Variants in RUNDC3B observed in about 807,000 individuals in gnomAD.
The protein encoded by RUNDC3B is RUN domain-containing protein 3B.
RUNDC3B carries 33 observed loss-of-function variants against 58.4 expected under a neutral mutation model. The ratio of observed to expected loss-of-function variants is 0.56; its 90% confidence interval spans 0.43 to 0.75. The LOEUF (loss-of-function observed/expected upper bound fraction) is 0.75, where lower values mean the gene tolerates loss of function less well. RUNDC3B is among the 30% of genes least tolerant of loss of function. The pLI is 0.00. For missense variants in RUNDC3B, 501 were observed against 535.7 expected (o/e 0.94, Z 0.64); for synonymous variants, 193 against 195.2 (o/e 0.99, Z 0.10).
At chr7:87,748,310 T>C (rs1316649098) in intron 6 of RUNDC3B, among the ~76,000 whole-genome samples, 1 of 152,150 alleles carries the variant, frequency 6.6e-6, no homozygotes, top group East Asian at 1.9e-4. Flanking sequence ...ACTTCCGCAG[T>C]TGGGGCACCC....
At chr7:87,819,124 G>C (rs1584280052) in intron 10 of RUNDC3B, among the ~76,000 whole-genome samples, 1 of 152,138 alleles carries the variant, frequency 6.6e-6, no homozygotes, top group Non-Finnish European at 1.5e-5. Context: ...GCTCTCTGCT[G>C]AGTCCTGTAA....
At chr7:87,696,383 G>C (rs961973585) in intron 2 of RUNDC3B, among the ~76,000 whole-genome samples, 1 of 152,164 alleles carries the variant, frequency 6.6e-6, no homozygotes, top group Non-Finnish European at 1.5e-5. Flanking sequence ...GTTAAATACA[G>C]GTTATAGACT....
At chr7:87,819,238 C>A (rs1023930088) in intron 10 of RUNDC3B, among the ~76,000 whole-genome samples, 1 of 152,006 alleles carries the variant, frequency 6.6e-6, no homozygotes, top group Non-Finnish European at 1.5e-5. Flanking sequence ...TTGTGGGCTT[C>A]CTGAGTAAAA....
At chr7:87,761,081 A>G (rs944061904) in intron 6 of RUNDC3B, among the ~76,000 whole-genome samples, 9 of 151,982 alleles carry the variant, frequency 5.9e-5, no homozygotes, top group Admixed American at 2.6e-4. Context: ...CATACACAAA[A>G]TCAGGGTCTA....
Position 87,720,574 on chromosome 7 carries a change from G to A in RUNDC3B, c.458+9919G>A, listed in dbSNP as rs571284958. On this transcript the variant is annotated intron_variant, in intron 4 of 10. Transcript: ENST00000394654. ...TGTGTGTGTGTGTGTGTGTGTGTGT[G>A]TATGCAATAATTATAATTTTCTTTT... is the stretch of plus-strand genomic sequence containing the variant. 6.5e-5 allele frequency among the ~76,000 whole-genome samples: 8 copies of A among 123,064 alleles called. No individual in the cohort carries two copies. In the East Asian group the frequency reaches 2.1e-3, roughly 32 times the overall value. The allele number at this position is 123,064 out of a possible 152,430, so 80.7% of individuals were successfully genotyped here.
chr7:87,801,963 A>G (rs1836187134), intron 8 of RUNDC3B, among the ~76,000 whole-genome samples: 2 of 152,220 alleles, frequency 1.3e-5, no homozygotes, highest in Non-Finnish European at 2.9e-5. Flanking sequence ...TTTTTCAAAA[A>G]CAATGAGAAA....
chr7:87,813,766 T>G (rs1482996267), intron 9 of RUNDC3B, among the ~76,000 whole-genome samples: 1 of 151,840 alleles, frequency 6.6e-6, no homozygotes, highest in East Asian at 1.9e-4. Context: ...GATCGTGAGG[T>G]CAGGAGATTG....
At chr7:87,691,120 C>A (rs1827978479) in intron 2 of RUNDC3B, among the ~76,000 whole-genome samples, 1 of 151,992 alleles carries the variant, frequency 6.6e-6, no homozygotes, top group African/African-American at 2.4e-5. Context: ...ATATCATATT[C>A]ATGAATTAGA....
intron 2 of RUNDC3B, chr7:87,693,956 A>G: frequency 6.2e-7 from 1 of 1,611,516 alleles, no homozygotes; most frequent in Non-Finnish European, 8.5e-7. Context: ...ATACCTCTTC[A>G]AGGTACTCTA....
chr7:87,719,880 A>G (rs1401846181), intron 4 of RUNDC3B, among the ~76,000 whole-genome samples: 1 of 151,532 alleles, frequency 6.6e-6, no homozygotes, highest in Non-Finnish European at 1.5e-5. Context: ...TTTCAGGATG[A>G]GATAAAACAG....
intron 7 of RUNDC3B, among the ~76,000 whole-genome samples, chr7:87,774,238 A>G (rs142755302): frequency 6.6e-6 from 1 of 152,316 alleles, no homozygotes; most frequent in Non-Finnish European, 1.5e-5. Context: ...AATAATGCAT[A>G]TTAACGTTGT....
At chr7:87,679,486 C>A (rs1826712998) in intron 2 of RUNDC3B, among the ~76,000 whole-genome samples, 1 of 149,868 alleles carries the variant, frequency 6.7e-6, no homozygotes, top group African/African-American at 2.5e-5. Context: ...CATCCCCAAG[C>A]TCAAATGATT....
At chr7:87,746,678 C>G (rs76317849) in intron 6 of RUNDC3B, among the ~76,000 whole-genome samples, 5 of 152,146 alleles carry the variant, frequency 3.3e-5, no homozygotes, top group Non-Finnish European at 7.4e-5. Context: ...CCTTTTTCCA[C>G]CCCTTTACTT....
intron 1 of RUNDC3B, among the ~76,000 whole-genome samples, chr7:87,649,413 C>T (rs996811985): frequency 6.6e-6 from 1 of 152,016 alleles, no homozygotes; most frequent in East Asian, 1.9e-4. Flanking sequence ...GGAATTGTGT[C>T]CTAATAAGAT....
At chr7:87,691,596 C>G (rs1235488253) in intron 2 of RUNDC3B, among the ~76,000 whole-genome samples, 1 of 152,168 alleles carries the variant, frequency 6.6e-6, no homozygotes, top group African/African-American at 2.4e-5. Context: ...CCCTGGGCCA[C>G]TTTGAAATAA....
At chr7:87,750,187 G>T (rs988510625) in intron 6 of RUNDC3B, among the ~76,000 whole-genome samples, 1 of 152,132 alleles carries the variant, frequency 6.6e-6, no homozygotes, top group Non-Finnish European at 1.5e-5. Flanking sequence ...TTTCATCCAT[G>T]TCCCTACAAA....
chr7:87,657,702 T>A (rs375578895), intron 2 of RUNDC3B, among the ~76,000 whole-genome samples: 1 of 152,060 alleles, frequency 6.6e-6, no homozygotes, highest in Admixed American at 6.6e-5. Flanking sequence ...AGAGGCCTGT[T>A]AGAGAGTTAT....
At chr7:87,631,606 G>T (rs1821231431) in intron 1 of RUNDC3B, among the ~76,000 whole-genome samples, 1 of 152,154 alleles carries the variant, frequency 6.6e-6, no homozygotes, top group African/African-American at 2.4e-5. Context: ...TATTAGCCAG[G>T]ATGGTCTCGA....
chr7:87,630,439 G>C (rs549480548), intron 1 of RUNDC3B, among the ~76,000 whole-genome samples: 1 of 152,258 alleles, frequency 6.6e-6, no homozygotes, highest in East Asian at 1.9e-4. Flanking sequence ...TGTCTAGGAT[G>C]TAACTTTTTG....
Sources: gnomAD v4.1 joint callset for allele counts (sites outside exome capture counted in the v4.1 genomes callset) on GRCh38, gnomAD v4.1.1 for gene constraint, MANE v1.5 for transcripts, NCBI Gene and HGNC (gene_info 2026-07-23, HGNC 2026-07-21) for gene names.